WASHC2C: variants seen among roughly 807,000 people sequenced by gnomAD.
WASHC2C encodes WASH complex subunit 2C.
A neutral mutation model predicts 142.2 loss-of-function variants in WASHC2C; 73 were observed. The ratio of observed to expected loss-of-function variants is 0.51; its 90% confidence interval spans 0.43 to 0.62. The LOEUF (loss-of-function observed/expected upper bound fraction) is 0.62, where lower values mean the gene tolerates loss of function less well. WASHC2C is among the 20% of genes least tolerant of loss of function. The pLI is 0.00. For missense variants in WASHC2C, 969 were observed against 1,531.7 expected, an observed-to-expected ratio of 0.63 and a Z score of 6.13; for synonymous variants, 337 against 565.5, an observed-to-expected ratio of 0.60 and a Z score of 5.73.
At chr10:45,766,565 A>G (rs1226708083) in intron 19 of WASHC2C, among the ~76,000 whole-genome samples, 1 of 144,586 alleles carries the variant, frequency 6.9e-6, no homozygotes, top group Non-Finnish European at 1.5e-5. Flanking sequence ...GTATACCCCA[A>G]TGGCCATATA....
intron 4 of WASHC2C, among the ~76,000 whole-genome samples, chr10:45,739,075 C>T (rs1172500285): frequency 6.6e-6 from 1 of 151,578 alleles, no homozygotes. Flanking sequence ...CTGGTTATAC[C>T]AATTCAGGGT....
chr10:45,769,396 G>A (rs1589840355), intron 19 of WASHC2C, 53 bp from the exon 20 acceptor site: 1 of 1,515,094 alleles, frequency 6.6e-7, no homozygotes, highest in Middle Eastern at 2.4e-4. Flanking sequence ...GGGATTATAG[G>A]TATGAGCCAC....
At chr10:45,764,375 A>T (rs567197336) in intron 18 of WASHC2C, among the ~76,000 whole-genome samples, 1 of 151,840 alleles carries the variant, frequency 6.6e-6, no homozygotes, top group African/African-American at 2.4e-5. Context: ...TTACTGAGAA[A>T]ACATTTGTGT....
intron 29 of WASHC2C, 104 bp from the exon 30 acceptor site, chr10:45,790,252 C>G: frequency 2.5e-6 from 4 of 1,580,818 alleles, no homozygotes; most frequent in Non-Finnish European, 3.4e-6. Flanking sequence ...CGAGGCCGTT[C>G]CACACACCCT....
intron 19 of WASHC2C, among the ~76,000 whole-genome samples, chr10:45,767,015 C>T (rs2055912977): frequency 6.6e-6 from 1 of 151,872 alleles, no homozygotes; most frequent in Admixed American, 6.6e-5. Flanking sequence ...GTCTGTAATC[C>T]CAGCACTTTG....
chr10:45,784,244 G>GTA (rs1564818848), intron 23 of WASHC2C, among the ~76,000 whole-genome samples: 8 of 38,930 alleles, frequency 2.1e-4, no homozygotes, highest in African/African-American at 4.9e-4. Flanking sequence ...ATATATATGT[G>GTA]TGTGTGTGTA....
At chr10:45,736,147 C>T (rs868911266) in intron 3 of WASHC2C, among the ~76,000 whole-genome samples, 28 of 150,878 alleles carry the variant, frequency 1.9e-4, no homozygotes, top group South Asian at 4.2e-4. Flanking sequence ...GTGGCTCACA[C>T]CTGTAATCCC....
At position 45,789,531 on chromosome 10, in the gene WASHC2C, A is replaced by T. The variant is rs1305575140; in HGVS notation, c.3708+40A>T. On this transcript the variant is annotated intron_variant, in intron 29 of 30. Transcript: ENST00000623400. ...CACGTTTTTGTGTCTGTTCTAAGTT[A>T]AGGAAGGTATCTGATTGGCTTATTT... is the stretch of plus-strand genomic sequence containing the variant. 84 of 1,611,454 alleles carry T rather than the reference A, an allele frequency of 5.2e-5. No homozygotes were observed. In the East Asian group the frequency reaches 1.7e-3, roughly 33 times the overall value.
In WASHC2C at chr10:45,792,914, C is replaced by G; in HGVS notation, c.*514C>G. On this transcript the variant is annotated 3_prime_UTR_variant, in exon 31 of 31. Coordinates refer to ENST00000623400, the MANE Select transcript of WASHC2C (RefSeq NM_001330074.2). ...CAAGGCAAAGTTTGGCAAACTGTGG[C>G]CCCCCCACTGTCATATTTTGTTAAT... 4.4e-6 allele frequency: 2 copies of G among 458,298 alleles called. No homozygotes were observed. The highest frequency in any genetic ancestry group is 9.0e-6 in the Non-Finnish European group (2 of 222,598). The allele number at this position is 458,298 out of a possible 1,614,324, so 28.4% of individuals were successfully genotyped here. A position where few individuals can be genotyped will look rare whatever the true frequency, so the allele number is the denominator to read the frequency against.
chr10:45,791,138 A>G (rs2058370310), intron 30 of WASHC2C, among the ~76,000 whole-genome samples: 1 of 149,732 alleles, frequency 6.7e-6, no homozygotes, highest in South Asian at 2.1e-4. Flanking sequence ...GGGCTGAGCC[A>G]CATACACATT....
At position 45,790,673 on chromosome 10, in the gene WASHC2C, A is replaced by C. The variant is rs2135839926; in HGVS notation, c.3886+140A>C. The C allele has an allele frequency of 3.1e-5, 23 of 737,516 alleles. No individual in the cohort carries two copies. In the East Asian group the frequency reaches 6.2e-4, roughly 20 times the overall value. 45.7% of individuals were successfully genotyped at this position (737,516 alleles called of 1,614,324 possible). A position where few individuals can be genotyped will look rare whatever the true frequency, so the allele number is the denominator to read the frequency against. On this transcript the variant is annotated intron_variant, in intron 30 of 30. Transcript: ENST00000623400. ...TTCAGTGTAATCCTGAGTTAGGCTGAAGATAGGTAAGAGATGGACTAATTA... is the reference window on the plus strand; with the variant it reads ...TTCAGTGTAATCCTGAGTTAGGCTGCAGATAGGTAAGAGATGGACTAATTA...
chr10:45,730,854 C>T (rs185310976), intron 3 of WASHC2C, among the ~76,000 whole-genome samples: 1,693 of 151,936 alleles, frequency 0.011, 33 homozygotes, highest in African/African-American at 0.038. Context: ...CTCCTGACCT[C>T]GTGATCCGCC....
chr10:45,728,122 C>T (rs1402595725), intron 2 of WASHC2C, among the ~76,000 whole-genome samples: 1 of 152,158 alleles, frequency 6.6e-6, no homozygotes, highest in East Asian at 1.9e-4. Context: ...CTCTGGGGTT[C>T]AGGTGATCCT....
Position 45,784,568 on chromosome 10 carries a change from T to C in WASHC2C, c.2482T>C (p.Cys828Arg), listed in dbSNP as rs2597017. 15 of 1,611,364 alleles carry C rather than the reference T, an allele frequency of 9.3e-6. No individual in the cohort carries two copies. In the East Asian group the frequency reaches 2.7e-4, roughly 29 times the overall value. The change falls in exon 24 of 31, where the codon TGC (cysteine) becomes CGC (arginine). Residue 828 changes from cysteine (C) to arginine (R), a missense_variant. By Grantham distance (180) the Cys-to-Arg change is radical. Coordinates refer to ENST00000623400, the MANE Select transcript of WASHC2C (RefSeq NM_001330074.2). ...QAPQKEVGKG[C>R]DPDAHPKSTG... ...TGACCTTCCCTCCTGTTCCCAGGGCTGCGATCCTGATGCCCACCCCAAGAG... is the reference window on the plus strand; with the variant it reads ...TGACCTTCCCTCCTGTTCCCAGGGCCGCGATCCTGATGCCCACCCCAAGAG...
intron 11 of WASHC2C, among the ~76,000 whole-genome samples, chr10:45,752,306 G>A (rs2053698176): frequency 6.6e-6 from 1 of 152,308 alleles, no homozygotes; most frequent in African/African-American, 2.4e-5. Context: ...CCGAATGCTT[G>A]CTTCAGAGTA....
At chr10:45,740,329 G>GCAT (rs1171585235) in intron 5 of WASHC2C, 83 bp downstream of exon 5, 10 of 547,264 alleles carry the variant, frequency 1.8e-5, no homozygotes, top group Admixed American at 1.2e-4. Flanking sequence ...GTAAGTCATG[G>GCAT]ACTTAACCTC....
chr10:45,773,063 T>C (rs1247556738), intron 20 of WASHC2C, among the ~76,000 whole-genome samples, 193 bp from the exon 21 acceptor site: 2 of 145,558 alleles, frequency 1.4e-5, no homozygotes, highest in Non-Finnish European at 3.0e-5. Flanking sequence ...GCTGGTGATT[T>C]GTTGGAGTCA....
intron 17 of WASHC2C, among the ~76,000 whole-genome samples, chr10:45,762,698 G>T (rs2055273710): frequency 6.6e-6 from 1 of 152,212 alleles, no homozygotes; most frequent in Admixed American, 6.5e-5. Flanking sequence ...AAGGTCAGGA[G>T]ATCGAGACCA....
intron 17 of WASHC2C, among the ~76,000 whole-genome samples, chr10:45,760,015 T>G (rs1182144313): frequency 9.4e-5 from 14 of 149,062 alleles, no homozygotes; most frequent in Non-Finnish European, 1.9e-4. Context: ...AGAGTGGAGG[T>G]CACCATGCTA....
Sources: gnomAD v4.1 joint callset for allele counts (sites outside exome capture counted in the v4.1 genomes callset) on GRCh38, gnomAD v4.1.1 for gene constraint, MANE v1.5 for transcripts, NCBI Gene and HGNC (gene_info 2026-07-23, HGNC 2026-07-21) for gene names.